Variants in GNA11 observed in about 807,000 individuals in gnomAD.
GNA11 encodes the protein G protein subunit alpha 11.
Under a neutral mutation model 38.2 loss-of-function variants are expected in GNA11, and 8 were observed. The ratio of observed to expected loss-of-function variants is 0.21; its 90% CI spans 0.12 to 0.38. The LOEUF is 0.38. GNA11 is among the 10% of genes least tolerant of loss of function. The probability of loss-of-function intolerance (pLI) is 1.00; values close to 1 mark genes in which losing one functional copy is unlikely to be tolerated. For missense variants in GNA11, 268 were observed against 516.3 expected (o/e 0.52, Z 4.66); for synonymous variants, 211 against 221.4 (o/e 0.95, Z 0.42).
At position 3,094,590 on chromosome 19, in the gene GNA11, G is replaced by T; in HGVS notation, c.-62G>T. 1.1e-6 allele frequency: 1 copy of T among 886,896 alleles called. No homozygotes were observed. Among genetic ancestry groups the T allele is most frequent in the East Asian group, 1.1e-4 (1 of 9,336 alleles). 54.9% of individuals were successfully genotyped at this position (886,896 alleles called of 1,614,324 possible). On this transcript the variant is annotated 5_prime_UTR_variant, in exon 1 of 7. Coordinates refer to ENST00000078429, the MANE Select transcript of GNA11 (RefSeq NM_002067.5). This position sits in a 1 kb window ranked among gnomAD's most constrained non-coding sequence, Gnocchi z 6.0. ...CGGCGGCCGAGGCGGCTCCGGCCAG[G>T]GCCGGGCCGGGGGCCGGGGGGCGGC...
chr19:3,098,289 C>T (rs78788223), intron 1 of GNA11, among the ~76,000 whole-genome samples: 3,207 of 152,370 alleles, frequency 0.021, 50 homozygotes, highest in Non-Finnish European at 0.035. Flanking sequence ...CTCCCGCCTC[C>T]GTCCGCGCCG....
chr19:3,098,626 C>T (rs1599295630), intron 1 of GNA11, among the ~76,000 whole-genome samples: 3 of 152,232 alleles, frequency 2.0e-5, no homozygotes, highest in Admixed American at 6.5e-5. Flanking sequence ...GTCCGGCCTG[C>T]GCCAGCCCCC....
At chr19:3,118,652 G>A in intron 4 of GNA11, 1 of 407,820 alleles carries the variant, frequency 2.5e-6, no homozygotes, top group Non-Finnish European at 4.4e-6. Flanking sequence ...GAATCCTCTG[G>A]GTTCTCACAC....
intron 1 of GNA11, among the ~76,000 whole-genome samples, chr19:3,095,020 C>T (rs1453473206): frequency 6.6e-6 from 1 of 151,940 alleles, no homozygotes; most frequent in Non-Finnish European, 1.5e-5. Flanking sequence ...GCGGGGCCCT[C>T]CGGGATCAGC....
At chr19:3,099,007 C>T (rs961751967) in intron 1 of GNA11, among the ~76,000 whole-genome samples, 2 of 152,230 alleles carry the variant, frequency 1.3e-5, no homozygotes, top group Non-Finnish European at 2.9e-5. Context: ...TCCCGAGCCT[C>T]CTGCCCGGCT....
In GNA11 at chr19:3,109,160, T is replaced by G. The variant is rs1000047287; in HGVS notation, c.137-989T>G. ...GAGCATCAGAGATTTGTGGACACAC[T>G]GGAAAACCCAGCATTGGCATCCCAG... On this transcript the variant is annotated intron_variant, in intron 1 of 6. Transcript: ENST00000078429. Among the ~76,000 whole-genome samples the G allele has an allele frequency of 1.6e-4, 24 of 152,176 alleles. 1 individual carries two copies. The highest frequency in any genetic ancestry group is 1.5e-5 in the Non-Finnish European group (1 of 68,028).
chr19:3,119,393 G>T lies in GNA11; in HGVS notation c.889+34G>T. On this transcript the variant is annotated intron_variant, in intron 6 of 6. Coordinates refer to ENST00000078429, the MANE Select transcript of GNA11 (RefSeq NM_002067.5). The surrounding 1 kb of genome is among the most constrained non-coding windows in gnomAD (Gnocchi z 4.6). ...GGCTGCGGCATGGGGAGGGGCTCGC[G>T]GGCAGGGCCTTACTGGGGGGAGGGG... The T allele has an allele frequency of 6.2e-7, 1 of 1,604,372 alleles. No homozygotes were observed. Among genetic ancestry groups the T allele is most frequent in the Non-Finnish European group, 8.5e-7 (1 of 1,174,922 alleles).
intron 4 of GNA11, 81 bp downstream of exon 4, chr19:3,115,153 C>T: frequency 6.7e-7 from 1 of 1,503,464 alleles, no homozygotes; most frequent in Non-Finnish European, 9.1e-7. Context: ...CCTGCGCACC[C>T]AGTGCTTTGG....
At position 3,094,675 on chromosome 19, in the gene GNA11, G is replaced by T; in HGVS notation, c.24G>T (p.Ala8=). Residue 8 remains alanine, a synonymous_variant, in exon 1 of 7, where the codon GCG becomes GCT. Transcript: ENST00000078429. This position sits in a 1 kb window ranked among gnomAD's most constrained non-coding sequence, Gnocchi z 6.0. The stretch of plus-strand genomic sequence containing the variant: ...CGATGACTCTGGAGTCCATGATGGC[G>T]TGTTGCCTGAGCGATGAGGTGAAGG... MTLESMM[A]CCLSDEVKES... The T allele has an allele frequency of 6.4e-7, 1 of 1,562,192 alleles. No individual in the cohort carries two copies. Among genetic ancestry groups the T allele is most frequent in the Admixed American group, 1.8e-5 (1 of 55,174 alleles).
chr19:3,107,830 A>G (rs1187238268), intron 1 of GNA11, among the ~76,000 whole-genome samples: 1 of 151,944 alleles, frequency 6.6e-6, no homozygotes, highest in African/African-American at 2.4e-5. Context: ...CTGGCCTCAG[A>G]TTGCATCCCC....
At chr19:3,106,170 C>T (rs1460132391) in intron 1 of GNA11, among the ~76,000 whole-genome samples, 3 of 151,988 alleles carry the variant, frequency 2.0e-5, no homozygotes, top group East Asian at 1.9e-4. Context: ...ACATGGCTGC[C>T]GGTCGGGTGG....
rs536442833 is a variant in GNA11 at position 3,119,126 on chromosome 19, C to T, written c.735+73C>T. The T allele has an allele frequency of 5.0e-6, 8 of 1,602,694 alleles. No homozygotes were observed. The African/African-American group carries it at 1.1e-4, about 21-fold the overall frequency. ...CACCTGCCAAGCCTGGGTCCCCTCACCTGGGTCCCCCCAGCTGCCCCTTGG... is the reference window on the plus strand; with the variant it reads ...CACCTGCCAAGCCTGGGTCCCCTCATCTGGGTCCCCCCAGCTGCCCCTTGG... On this transcript the variant is annotated intron_variant, in intron 5 of 6. Transcript: ENST00000078429. The surrounding 1 kb of genome is among the most constrained non-coding windows in gnomAD (Gnocchi z 4.6).
rs2145321133 is a variant in GNA11, at chr19:3,115,052, C to T, written c.585C>T (p.Asp195=). 1.9e-6 allele frequency: 3 copies of T among 1,613,264 alleles called. No homozygotes were observed. The highest frequency in any genetic ancestry group is 2.5e-6 in the Non-Finnish European group (3 of 1,179,848). The change falls in exon 4 of 7, where the codon GAC becomes GAT. Residue 195 remains aspartate (D), a synonymous_variant. Transcript: ENST00000078429. ...CCGGCATCATCGAGTACCCTTTCGA[C>T]CTGGAGAACATCATCTTCCGGTACC... The part of the protein sequence containing the change: ...PTTGIIEYPF[D]LENIIFRMVD...
rs372683011 is a variant in GNA11, at chr19:3,120,929, C to T, written c.890-60C>T. 8 of 1,305,530 alleles carry T rather than the reference C, an allele frequency of 6.1e-6. No individual in the cohort carries two copies. Among genetic ancestry groups the T allele is most frequent in the South Asian group, 5.2e-5 (4 of 77,296 alleles). The allele number at this position is 1,305,530 out of a possible 1,614,324, so 80.9% of individuals were successfully genotyped here. On this transcript the variant is annotated intron_variant, in intron 6 of 6. Coordinates refer to ENST00000078429, the MANE Select transcript of GNA11 (RefSeq NM_002067.5). This position sits in a 1 kb window ranked among gnomAD's most constrained non-coding sequence, Gnocchi z 5.9. Reference sequence around the variant, plus strand: ...CATCCCCTGGGAGTGACAAAGGGGCCCACGAGTCCCTTGCCCTGGGCCGGG... The same window carrying T: ...CATCCCCTGGGAGTGACAAAGGGGCTCACGAGTCCCTTGCCCTGGGCCGGG...
At chr19:3,097,251 C>T (rs1229084099) in intron 1 of GNA11, among the ~76,000 whole-genome samples, 1 of 152,160 alleles carries the variant, frequency 6.6e-6, no homozygotes. Context: ...TGTTCAGAGA[C>T]CTCTGGGTGG....
rs571665117 is a variant in GNA11 at position 3,121,215 on chromosome 19, G to A, written c.*36G>A. ...CCAGGGAGACGGGATGGAGACACGG[G>A]GCAGGACCTTCCTTCCACGGAGCCT... is the stretch of plus-strand genomic sequence containing the variant. On this transcript the variant is annotated 3_prime_UTR_variant, in exon 7 of 7. Transcript: ENST00000078429. 5 of 1,535,280 alleles carry A rather than the reference G, an allele frequency of 3.3e-6. No individual in the cohort carries two copies. The South Asian group carries it at 5.7e-5, about 17-fold the overall frequency.
rs574494542 is a variant in GNA11 at position 3,115,843 on chromosome 19, G to T, written c.605+771G>T. ...GGAGGAGGGGTCATAGGGACTGAGT[G>T]GGGAGGAGGGGTCATAGGGACTGAG... On this transcript the variant is annotated intron_variant, in intron 4 of 6. Transcript: ENST00000078429. 1.1e-3 allele frequency among the ~76,000 whole-genome samples: 130 copies of T among 118,890 alleles called. 3 individuals are homozygous for T. Among genetic ancestry groups the T allele is most frequent in the Non-Finnish European group, 1.3e-3 (84 of 63,866 alleles). 78.0% of individuals were successfully genotyped at this position (118,890 alleles called of 152,430 possible). A position where few individuals can be genotyped will look rare whatever the true frequency, so the allele number is the denominator to read the frequency against.
At chr19:3,099,654 C>T (rs976825834) in intron 1 of GNA11, among the ~76,000 whole-genome samples, 3 of 152,172 alleles carry the variant, frequency 2.0e-5, no homozygotes, top group Admixed American at 2.0e-4. Context: ...CCCTCCCCTG[C>T]CATCAAGATG....
intron 1 of GNA11, among the ~76,000 whole-genome samples, chr19:3,106,904 C>T (rs952249426): frequency 6.6e-6 from 1 of 152,232 alleles, no homozygotes; most frequent in Non-Finnish European, 1.5e-5. Context: ...GGGTCCTTGG[C>T]GAGCCAGGGC....
Sources: allele counts gnomAD v4.1 joint callset (sites outside exome capture counted in the v4.1 genomes callset), GRCh38; gene constraint gnomAD v4.1.1; non-coding constraint Gnocchi (gnomAD v3.1); transcripts MANE v1.5; gene names NCBI Gene and HGNC (gene_info 2026-07-23, HGNC 2026-07-21).